JCAD: variants seen among roughly 807,000 people sequenced by gnomAD.
JCAD encodes the protein junctional cadherin 5-associated protein.
A neutral mutation model predicts 98.0 loss-of-function variants in JCAD; 40 were observed. The ratio of observed to expected loss-of-function variants is 0.41; its 90% CI spans 0.32 to 0.53. The LOEUF is 0.53. JCAD is among the 20% of genes least tolerant of loss of function. The pLI is 0.31. For synonymous variants in JCAD, 691 were observed against 682.3 expected (o/e 1.01, Z -0.20); for missense variants, 1,705 against 1,738.1 (o/e 0.98, Z 0.34).
At chr10:30,046,737 C>T (rs1246261685) in intron 2 of JCAD, among the ~76,000 whole-genome samples, 1 of 152,162 alleles carries the variant, frequency 6.6e-6, no homozygotes, top group Non-Finnish European at 1.5e-5. Context: ...TTATTGAAGG[C>T]CCATTATGGC....
intron 2 of JCAD, among the ~76,000 whole-genome samples, chr10:30,040,482 A>G (rs1837220324): frequency 6.6e-6 from 1 of 152,252 alleles, no homozygotes; most frequent in South Asian, 2.1e-4. Flanking sequence ...ATGGAGAAAG[A>G]CCAGCCTCGT....
At chr10:30,064,454 G>T (rs1039368097), upstream of JCAD, among the ~76,000 whole-genome samples, 1 of 152,112 alleles carries the variant, frequency 6.6e-6, no homozygotes, top group African/African-American at 2.4e-5. Flanking sequence ...CCCACCTGCG[G>T]GTATTCTGTT....
chr10:30,036,886 C>A, intron 2 of JCAD, among the ~76,000 whole-genome samples: 1 of 152,242 alleles, frequency 6.6e-6, no homozygotes, highest in East Asian at 1.9e-4. Flanking sequence ...ATGCCTGCTG[C>A]TTTCCATTGC....
chr10:30,063,288 C>T (rs1012094103), upstream of JCAD, among the ~76,000 whole-genome samples: 10 of 152,184 alleles, frequency 6.6e-5, no homozygotes, highest in Admixed American at 1.3e-4. Context: ...CCAATGTCCC[C>T]GCCTTTCTTG....
chr10:30,108,506 A>T (rs1162576795), intron 1 of JCAD, among the ~76,000 whole-genome samples: 1 of 152,228 alleles, frequency 6.6e-6, no homozygotes, highest in Non-Finnish European at 1.5e-5. Flanking sequence ...TTGCAGGAAC[A>T]GAACCACAGT....
At chr10:30,102,211 C>T (rs1163453173) in intron 1 of JCAD, among the ~76,000 whole-genome samples, 1 of 152,190 alleles carries the variant, frequency 6.6e-6, no homozygotes, top group Non-Finnish European at 1.5e-5. Context: ...CTCTGTCGCC[C>T]AGGCTGGAGT....
rs548889293 is a variant in JCAD at position 30,059,001 on chromosome 10, C to G, written c.-60+481G>C. On this transcript the variant is annotated intron_variant, in intron 1 of 3. Transcript: ENST00000375377. The surrounding 1 kb of genome is among the most constrained non-coding windows in gnomAD (Gnocchi z 5.0). ...GCGTGGGAACTGGGACCTCGGGGAC[C>G]CAGCGCGGCGGCTGTCAGCTCTGGG... Among the ~76,000 whole-genome samples the G allele has an allele frequency of 6.6e-6, 1 of 152,100 alleles. No individual in the cohort carries two copies. The highest frequency in any genetic ancestry group is 2.1e-4 in the South Asian group (1 of 4,830).
rs1836479045 is a variant in JCAD, at chr10:30,013,870, T to C, written c.*4013A>G. ...GGCTTTCCAAGGTCGATGCCAGGAA[T>C]CTGCAGGAGCCTTGGCTGCCTTCCC... On this transcript the variant is annotated 3_prime_UTR_variant, in exon 4 of 4. Coordinates refer to ENST00000375377, the MANE Select transcript of JCAD (RefSeq NM_020848.4). 1 of 152,210 alleles carries C rather than the reference T, an allele frequency of 6.6e-6. No individual in the cohort carries two copies. The highest frequency in any genetic ancestry group is 2.4e-5 in the African/African-American group (1 of 41,456). 9.4% of individuals were successfully genotyped at this position (152,210 alleles called of 1,614,324 possible).
At chr10:30,109,706 G>T (rs999355087) in intron 1 of JCAD, among the ~76,000 whole-genome samples, 1 of 152,204 alleles carries the variant, frequency 6.6e-6, no homozygotes, top group Non-Finnish European at 1.5e-5. Flanking sequence ...TGGCAGCATC[G>T]GCGGGATGTG....
intron 1 of JCAD, among the ~76,000 whole-genome samples, chr10:30,071,984 G>T (rs1258581488): frequency 6.6e-6 from 1 of 152,128 alleles, no homozygotes; most frequent in East Asian, 1.9e-4. Context: ...GTTCACCTGA[G>T]ATTATAATAT....
At chr10:30,104,725 A>T (rs1410881096) in intron 1 of JCAD, among the ~76,000 whole-genome samples, 1 of 152,224 alleles carries the variant, frequency 6.6e-6, no homozygotes, top group African/African-American at 2.4e-5. Flanking sequence ...AATCTAAAAT[A>T]AAAAAAGTTG....
chr10:30,107,849 T>A (rs1337216571), intron 1 of JCAD, among the ~76,000 whole-genome samples: 2 of 152,116 alleles, frequency 1.3e-5, no homozygotes, highest in Non-Finnish European at 2.9e-5. Context: ...AGAATTAAGA[T>A]GAAACTTACT....
At chr10:30,078,815 C>T (rs760750429) in intron 1 of JCAD, among the ~76,000 whole-genome samples, 1 of 152,186 alleles carries the variant, frequency 6.6e-6, no homozygotes, top group Admixed American at 6.5e-5. Flanking sequence ...GGGACTGATG[C>T]TGGCAACATT....
intron 1 of JCAD, among the ~76,000 whole-genome samples, chr10:30,114,578 T>TA (rs11360136): frequency 0.025 from 3,114 of 124,584 alleles, 60 homozygotes; most frequent in African/African-American, 0.06. Flanking sequence ...ACAGCACAAT[T>TA]AAAAAAAAAA....
chr10:30,046,979 C>T (rs1398289017), intron 2 of JCAD, among the ~76,000 whole-genome samples: 3 of 151,758 alleles, frequency 2.0e-5, no homozygotes, highest in East Asian at 1.9e-4. Context: ...CCCAGCTATT[C>T]GAGAGGCTGA....
Position 30,029,548 on chromosome 10 carries a change from A to G in JCAD, c.600T>C (p.Ser200=), listed in dbSNP as rs1836941091. ...GAAACAGTCTCTCCCCATCTCCATC[A>G]GACATCTGCCTCCCTAATTTCCTTG... ...NQPRKLGRQM[S]DGDGERLFQD... The change falls in exon 3 of 4, where the codon TCT becomes TCC. Residue 200 remains serine, a synonymous_variant. Transcript: ENST00000375377. The G allele has an allele frequency of 6.2e-7, 1 of 1,614,240 alleles. No homozygotes were observed. The highest frequency in any genetic ancestry group is 8.5e-7 in the Non-Finnish European group (1 of 1,180,040).
chr10:30,078,603 C>G (rs10826759), intron 1 of JCAD, among the ~76,000 whole-genome samples: 10,093 of 152,184 alleles, frequency 0.066, 560 homozygotes, highest in East Asian at 0.32. Context: ...GATAGCAAGA[C>G]CATGAAATTA....
At position 30,027,835 on chromosome 10, in the gene JCAD, C is replaced by T. The variant is rs769072526; in HGVS notation, c.2313G>A (p.Val771=). ...NSAFSRTSLS[V]DQAPTPKAGR... is the part of the protein sequence containing the mutation. ...CTGCTTTTGGCGTCGGTGCCTGGTC[C>T]ACGGACAAGGAAGTCCTTGAGAACG... The change falls in exon 3 of 4, where the codon GTG becomes GTA. Residue 771 remains valine, a synonymous_variant. Transcript: ENST00000375377. 6.2e-7 allele frequency: 1 copy of T among 1,614,154 alleles called. No homozygotes were observed. Among genetic ancestry groups the T allele is most frequent in the African/African-American group, 1.3e-5 (1 of 74,958 alleles).
chr10:30,079,665 C>T (rs1410959693), intron 1 of JCAD, among the ~76,000 whole-genome samples: 1 of 152,036 alleles, frequency 6.6e-6, no homozygotes, highest in Non-Finnish European at 1.5e-5. Context: ...CACAACGTGG[C>T]CACTCCTACT....
Sources: gnomAD v4.1 joint callset for allele counts (sites outside exome capture counted in the v4.1 genomes callset) on GRCh38, gnomAD v4.1.1 for gene constraint, Gnocchi (gnomAD v3.1) non-coding constraint, MANE v1.5 for transcripts, NCBI Gene and HGNC (gene_info 2026-07-23, HGNC 2026-07-21) for gene names.